Variants in KHDRBS2 observed in about 807,000 individuals in gnomAD.
The protein encoded by KHDRBS2 is KH RNA binding domain containing, signal transduction associated 2.
KHDRBS2 carries 26 observed loss-of-function variants against 44.3 expected under a neutral mutation model. The ratio of observed to expected loss-of-function variants is 0.59; its 90% CI spans 0.43 to 0.81. The LOEUF (loss-of-function observed/expected upper bound fraction) is 0.81, where lower values mean the gene tolerates loss of function less well. KHDRBS2 is among the 40% of genes least tolerant of loss of function. The pLI, the probability that KHDRBS2 is intolerant of heterozygous loss-of-function variation, is 0.00. For synonymous variants in KHDRBS2, 194 were observed against 151.1 expected, an observed-to-expected ratio of 1.28 and a Z score of -2.08; for missense variants, 476 against 433.1, an observed-to-expected ratio of 1.10 and a Z score of -0.88.
At chr6:61,776,965 T>C (rs1367378064) in intron 6 of KHDRBS2, among the ~76,000 whole-genome samples, 3 of 152,000 alleles carry the variant, frequency 2.0e-5, no homozygotes, top group African/African-American at 7.2e-5. Flanking sequence ...GCCATAAAAA[T>C]TGATGAGTTC....
intron 1 of KHDRBS2, among the ~76,000 whole-genome samples, chr6:62,256,079 G>A (rs1183201802): frequency 6.6e-6 from 1 of 151,724 alleles, no homozygotes; most frequent in Non-Finnish European, 1.5e-5. Flanking sequence ...AGGTTGCAGT[G>A]AGCCAAGATC....
intron 2 of KHDRBS2, among the ~76,000 whole-genome samples, chr6:62,104,697 G>T (rs1057192626): frequency 6.6e-6 from 1 of 151,220 alleles, no homozygotes; most frequent in Non-Finnish European, 1.5e-5. Flanking sequence ...AAAACAGAAA[G>T]TTCTCAAATC....
the KHDRBS2 span, among the ~76,000 whole-genome samples, chr6:61,655,070 G>A: frequency 2.0e-5 from 3 of 151,634 alleles, no homozygotes; most frequent in African/African-American, 7.3e-5. Context: ...GCCAGAGAAA[G>A]GGCAAAAAGT....
At chr6:62,058,563 C>T (rs1311027465) in intron 2 of KHDRBS2, among the ~76,000 whole-genome samples, 5 of 151,560 alleles carry the variant, frequency 3.3e-5, no homozygotes, top group Non-Finnish European at 7.4e-5. Flanking sequence ...TAAGTGGGAC[C>T]GTAGACACAG....
At chr6:61,547,972 C>T in the KHDRBS2 span, among the ~76,000 whole-genome samples, 3 of 152,002 alleles carry the variant, frequency 2.0e-5, no homozygotes, top group East Asian at 5.8e-4. Flanking sequence ...AATTTAGTAA[C>T]ACATAAAAGT....
chr6:61,579,851 A>AT, the KHDRBS2 span, among the ~76,000 whole-genome samples: 1 of 144,712 alleles, frequency 6.9e-6, no homozygotes, highest in Middle Eastern at 3.5e-3. Context: ...TGAGGTTGGG[A>AT]GTTTGAGACC....
intron 1 of KHDRBS2, among the ~76,000 whole-genome samples, chr6:62,219,432 A>G (rs1315350850): frequency 2.6e-5 from 4 of 151,884 alleles, no homozygotes; most frequent in Non-Finnish European, 5.9e-5. Flanking sequence ...CACAAATTCA[A>G]TATTACAATC....
the KHDRBS2 span, among the ~76,000 whole-genome samples, chr6:61,665,309 G>C: frequency 7.3e-5 from 11 of 151,414 alleles, no homozygotes; most frequent in Non-Finnish European, 1.6e-4. Context: ...GTTGCCAGAA[G>C]TATTAGGAAA....
chr6:61,877,893 T>G (rs546855937), intron 6 of KHDRBS2, among the ~76,000 whole-genome samples: 1 of 152,044 alleles, frequency 6.6e-6, no homozygotes, highest in Admixed American at 6.6e-5. Flanking sequence ...TTCATAAAAA[T>G]TATCTAAAAT....
At chr6:61,874,284 T>A (rs1472936836) in intron 6 of KHDRBS2, among the ~76,000 whole-genome samples, 1 of 152,194 alleles carries the variant, frequency 6.6e-6, no homozygotes, top group South Asian at 2.1e-4. Context: ...AATTTTTTAA[T>A]GAAATCTAAT....
At chr6:61,686,437 A>G (rs944683536) in intron 8 of KHDRBS2, among the ~76,000 whole-genome samples, 4 of 151,870 alleles carry the variant, frequency 2.6e-5, no homozygotes, top group South Asian at 2.1e-4. Context: ...GCACCTTTCA[A>G]ATATATGTTT....
intron 3 of KHDRBS2, among the ~76,000 whole-genome samples, chr6:62,042,724 C>G (rs1786809981): frequency 6.6e-6 from 1 of 152,056 alleles, no homozygotes; most frequent in Non-Finnish European, 1.5e-5. Context: ...TGATGAAAAT[C>G]AATTTGCCAT....
intron 6 of KHDRBS2, among the ~76,000 whole-genome samples, chr6:61,857,139 C>T (rs1450933930): frequency 6.6e-6 from 1 of 151,968 alleles, no homozygotes; most frequent in Non-Finnish European, 1.5e-5. Flanking sequence ...CTAGCCTTCA[C>T]GGAGGTCCTT....
chr6:61,564,019 G>A, the KHDRBS2 span, among the ~76,000 whole-genome samples: 1 of 152,006 alleles, frequency 6.6e-6, no homozygotes, highest in African/African-American at 2.4e-5. Context: ...ATCATATTCT[G>A]GTCAAGAAGA....
the KHDRBS2 span, among the ~76,000 whole-genome samples, chr6:61,605,039 T>G: frequency 6.6e-6 from 1 of 152,164 alleles, no homozygotes; most frequent in Non-Finnish European, 1.5e-5. Context: ...AATGGTCTTT[T>G]AAAAACACAC....
intron 6 of KHDRBS2, among the ~76,000 whole-genome samples, chr6:61,866,275 T>C (rs1457670808): frequency 1.3e-5 from 2 of 152,184 alleles, no homozygotes; most frequent in Non-Finnish European, 2.9e-5. Context: ...AGGTGGAGGC[T>C]CCCAAGCCCC....
intron 2 of KHDRBS2, among the ~76,000 whole-genome samples, chr6:62,086,713 A>T (rs541764834): frequency 6.6e-6 from 1 of 152,326 alleles, no homozygotes; most frequent in Admixed American, 6.5e-5. Flanking sequence ...CAAAATCATT[A>T]AATTGTATTC....
chr6:62,078,779 T>C (rs1422526496), intron 2 of KHDRBS2, among the ~76,000 whole-genome samples: 2 of 152,010 alleles, frequency 1.3e-5, no homozygotes, highest in African/African-American at 4.8e-5. Context: ...TCTACTTCCA[T>C]GATGTTAAAA....
In KHDRBS2 at chr6:61,908,372, T is replaced by C. The variant is rs1175292755; in HGVS notation, c.484-7001A>G. On this transcript the variant is annotated intron_variant, in intron 4 of 8. Transcript: ENST00000281156. ...TACATAGGCTGGGCGTGGTGGCTCATACTTGTAATCCCAGCACTTTGGGAG... is the reference window on the plus strand; with the variant it reads ...TACATAGGCTGGGCGTGGTGGCTCACACTTGTAATCCCAGCACTTTGGGAG... 2.6e-5 allele frequency among the ~76,000 whole-genome samples: 4 copies of C among 151,958 alleles called. No homozygotes were observed. In the East Asian group the frequency reaches 5.8e-4, roughly 22 times the overall value.
Sources: allele counts gnomAD v4.1 joint callset (sites outside exome capture counted in the v4.1 genomes callset), GRCh38; gene constraint gnomAD v4.1.1; transcripts MANE v1.5; gene names NCBI Gene and HGNC (gene_info 2026-07-23, HGNC 2026-07-21).